BRK1: variants seen among roughly 807,000 people sequenced by gnomAD.
BRK1 encodes BRICK1 subunit of SCAR/WAVE actin nucleating complex, also known as protein BRICK1.
In BRK1, 6 loss-of-function variants were observed where a neutral mutation model predicts 9.9. That is an observed-to-expected ratio of 0.60 (90% CI 0.33 to 1.19). The LOEUF (loss-of-function observed/expected upper bound fraction) is 1.19, where lower values mean the gene tolerates loss of function less well. BRK1 is among the 50% of genes most tolerant of loss of function. The pLI is 0.04. For missense variants in BRK1, 62 were observed against 97.5 expected, an observed-to-expected ratio of 0.64 and a Z score of 1.53; for synonymous variants, 44 against 31.9, an observed-to-expected ratio of 1.38 and a Z score of -1.28.
intron 1 of BRK1, among the ~76,000 whole-genome samples, chr3:10,118,442 A>G (rs768423954): frequency 6.6e-6 from 1 of 151,924 alleles, no homozygotes; most frequent in Non-Finnish European, 1.5e-5. Flanking sequence ...GGCTTGTACA[A>G]TTGTCCCTTG....
chr3:10,124,027 G>T lies in BRK1; in HGVS notation c.119-1599G>T, dbSNP rs68013239. On this transcript the variant is annotated intron_variant, in intron 1 of 2. Transcript: ENST00000530758. ...TGGGATTACAGGCGTGAGCCATCAC[G>T]CCCAGCCTCGTTTCTTTCCTGTTGA... Among the ~76,000 whole-genome samples the T allele has an allele frequency of 0.16, 24,764 of 151,630 alleles. 2,569 individuals are homozygous for T. Among genetic ancestry groups the T allele is most frequent in the African/African-American group, 0.29 (12,002 of 41,230 alleles).
At chr3:10,124,968 T>C (rs1695816836) in intron 1 of BRK1, among the ~76,000 whole-genome samples, 1 of 152,174 alleles carries the variant, frequency 6.6e-6, no homozygotes, top group East Asian at 1.9e-4. Context: ...CACCTACATT[T>C]GTGGACTATG....
chr3:10,122,972 G>T (rs1408460264), intron 1 of BRK1, among the ~76,000 whole-genome samples: 1 of 152,162 alleles, frequency 6.6e-6, no homozygotes, highest in Non-Finnish European at 1.5e-5. Flanking sequence ...AAGGAAACTT[G>T]TTAGCTAAGT....
chr3:10,121,227 G>A (rs1192505898), intron 1 of BRK1, among the ~76,000 whole-genome samples: 2 of 152,142 alleles, frequency 1.3e-5, no homozygotes, highest in African/African-American at 4.8e-5. Flanking sequence ...ATCTTTTGGG[G>A]ATGATGAAAA....
At chr3:10,118,349 A>G (rs1408155507) in intron 1 of BRK1, among the ~76,000 whole-genome samples, 3 of 152,118 alleles carry the variant, frequency 2.0e-5, no homozygotes, top group Non-Finnish European at 1.5e-5. Context: ...TTATAAGGAT[A>G]GACTTGAGTA....
At chr3:10,119,925 G>A (rs1177747530) in intron 1 of BRK1, among the ~76,000 whole-genome samples, 1 of 152,102 alleles carries the variant, frequency 6.6e-6, no homozygotes, top group Admixed American at 6.6e-5. Flanking sequence ...GATGCTGTGA[G>A]AAAGGAATAA....
rs560015440 is a variant in BRK1, at chr3:10,117,455, G to C, written c.118+1636G>C. Among the ~76,000 whole-genome samples, 4 of 145,762 alleles carry C rather than the reference G, an allele frequency of 2.7e-5. No homozygotes were observed. The South Asian group carries it at 8.7e-4, about 32-fold the overall frequency. Reference sequence around the variant, plus strand: ...CTAGCCCAGGCTGGAGTGCAGTGGCGTGATCTCAGCTCACTGCAACCTCTT... The same window carrying C: ...CTAGCCCAGGCTGGAGTGCAGTGGCCTGATCTCAGCTCACTGCAACCTCTT... On this transcript the variant is annotated intron_variant, in intron 1 of 2. Coordinates refer to ENST00000530758, the MANE Select transcript of BRK1 (RefSeq NM_018462.5).
chr3:10,121,481 A>G (rs1349823762), intron 1 of BRK1, among the ~76,000 whole-genome samples: 6 of 152,066 alleles, frequency 3.9e-5, no homozygotes, highest in Non-Finnish European at 7.4e-5. Context: ...CAGTTTTCCC[A>G]CTTGTAAGGT....
chr3:10,117,393 CTTT>C (rs756307171), intron 1 of BRK1, among the ~76,000 whole-genome samples: 14 of 118,600 alleles, frequency 1.2e-4, no homozygotes, highest in Admixed American at 1.7e-4. Context: ...TCAACAAATT[CTTT>C]TTTTTTTTTT....
chr3:10,116,665 G>A (rs1695690855), intron 1 of BRK1, among the ~76,000 whole-genome samples: 1 of 152,090 alleles, frequency 6.6e-6, no homozygotes, highest in Admixed American at 6.6e-5. Flanking sequence ...CAGGATATAG[G>A]GACTAGTGTA....
At chr3:10,126,120 A>G (rs1695836469) in intron 2 of BRK1, 149 bp from the exon 3 acceptor site, 2 of 578,454 alleles carry the variant, frequency 3.5e-6, no homozygotes, top group East Asian at 3.1e-5. Flanking sequence ...AAAGTTAAGC[A>G]TGTTGCCTGG....
intron 1 of BRK1, among the ~76,000 whole-genome samples, chr3:10,121,662 T>C (rs1411314134): frequency 3.9e-5 from 6 of 152,188 alleles, no homozygotes; most frequent in African/African-American, 1.4e-4. Context: ...AAATAAATTG[T>C]AAATTACAAG....
intron 1 of BRK1, among the ~76,000 whole-genome samples, chr3:10,116,299 A>T (rs1031466938): frequency 6.7e-6 from 1 of 150,206 alleles, no homozygotes; most frequent in African/African-American, 2.5e-5. Context: ...GTTGTCAACC[A>T]CTCCCGTCTT....
chr3:10,126,662 T>G lies in BRK1; in HGVS notation c.*367T>G, dbSNP rs1695845624. On this transcript the variant is annotated 3_prime_UTR_variant, in exon 3 of 3. Coordinates refer to ENST00000530758, the MANE Select transcript of BRK1 (RefSeq NM_018462.5). ...AACTTTCCTTAAAGTTCTCATTGCC[T>G]TTGCACTGCTTCTGTGAACAGTCTT... The G allele has an allele frequency of 5.0e-6, 1 of 201,980 alleles. No homozygotes were observed. Among genetic ancestry groups the G allele is most frequent in the South Asian group, 8.9e-5 (1 of 11,196 alleles). The allele number at this position is 201,980 out of a possible 1,614,324, so 12.5% of individuals were successfully genotyped here.
intron 1 of BRK1, among the ~76,000 whole-genome samples, chr3:10,123,438 CT>C (rs869148224): frequency 1.0e-3 from 141 of 135,964 alleles, no homozygotes; most frequent in Non-Finnish European, 1.0e-3. Flanking sequence ...ACTTTCTTTC[CT>C]TTTTTTTTTT....
At position 10,118,059 on chromosome 3, in the gene BRK1, G is replaced by A. The variant is rs188887619; in HGVS notation, c.118+2240G>A. 1.6e-3 allele frequency among the ~76,000 whole-genome samples: 237 copies of A among 152,192 alleles called. 2 individuals are homozygous for A. The highest frequency in any genetic ancestry group is 5.6e-3 in the African/African-American group (234 of 41,528). On this transcript the variant is annotated intron_variant, in intron 1 of 2. Transcript: ENST00000530758. ...TCACCTGAGGTCGAGTTTGAGATCA[G>A]CCTGGCTAACATGGTGAAACCCTGT...
intron 1 of BRK1, among the ~76,000 whole-genome samples, chr3:10,124,270 T>C (rs1057177658): frequency 6.7e-6 from 1 of 150,266 alleles, no homozygotes; most frequent in African/African-American, 2.4e-5. Context: ...CTGGCCAACA[T>C]GGTGAAACCC....
Position 10,126,510 on chromosome 3 carries a change from G to T in BRK1, c.*215G>T, listed in dbSNP as rs1695843077. ...AGAGGAACCGTTGGAAACGACGTTA[G>T]GCATTTTACCTTTTCAGTAACATTT... On this transcript the variant is annotated 3_prime_UTR_variant, in exon 3 of 3. Coordinates refer to ENST00000530758, the MANE Select transcript of BRK1 (RefSeq NM_018462.5). 2.1e-6 allele frequency: 1 copy of T among 469,214 alleles called. No homozygotes were observed. The highest frequency in any genetic ancestry group is 2.0e-5 in the African/African-American group (1 of 50,176). The allele number at this position is 469,214 out of a possible 1,614,324, so 29.1% of individuals were successfully genotyped here. A position where few individuals can be genotyped will look rare whatever the true frequency, so the allele number is the denominator to read the frequency against.
chr3:10,116,997 C>T (rs556658628), intron 1 of BRK1, among the ~76,000 whole-genome samples: 26 of 152,276 alleles, frequency 1.7e-4, no homozygotes, highest in Non-Finnish European at 3.5e-4. Flanking sequence ...AATCCCAGCA[C>T]TTTGGGAGGC....
Sources: gnomAD v4.1 joint callset for allele counts (sites outside exome capture counted in the v4.1 genomes callset) on GRCh38, gnomAD v4.1.1 for gene constraint, MANE v1.5 for transcripts, NCBI Gene and HGNC (gene_info 2026-07-23, HGNC 2026-07-21) for gene names.